LIN7A: variants seen among roughly 807,000 people sequenced by gnomAD.
LIN7A encodes the protein protein lin-7 homolog A.
In LIN7A, 25 loss-of-function variants were observed where a neutral mutation model predicts 29.8. That is an observed-to-expected ratio of 0.84 (90% confidence interval 0.61 to 1.17). The LOEUF is 1.17. Among genes scored for constraint, LIN7A ranks in the 50% most tolerant of loss-of-function variants. The pLI is 0.00. For synonymous variants in LIN7A, 118 were observed against 107.5 expected (o/e 1.10, Z -0.60); for missense variants, 239 against 287.0 (o/e 0.83, Z 1.21).
At chr12:80,869,532 C>T (rs965623068) in intron 2 of LIN7A, among the ~76,000 whole-genome samples, 3 of 152,048 alleles carry the variant, frequency 2.0e-5, no homozygotes, top group African/African-American at 4.8e-5. Flanking sequence ...CAGAAAACCA[C>T]GGCCATTGGC....
At position 80,803,226 on chromosome 12, in the gene LIN7A, G is replaced by A. The variant is rs538991451; in HGVS notation, c.*1-5500C>T. On this transcript the variant is annotated intron_variant, in intron 5 of 5. Transcript: ENST00000552864. ...TTTGCCCAAACCAATGTTGTGGAGC[G>A]TTTCTTTCATTTTCGTCTAGTAGTT... Among the ~76,000 whole-genome samples, 117 of 152,176 alleles carry A rather than the reference G, an allele frequency of 7.7e-4. 2 individuals carry two copies. The South Asian group carries it at 0.019, about 25-fold the overall frequency.
chr12:80,845,628 G>T, intron 4 of LIN7A, 102 bp downstream of exon 4: 3 of 882,098 alleles, frequency 3.4e-6, no homozygotes. Flanking sequence ...GACATAAAAT[G>T]AATATTTATT....
intron 1 of LIN7A, chr12:80,936,722 T>TC (rs1447601127): frequency 5.9e-5 from 4 of 67,562 alleles, no homozygotes; most frequent in African/African-American, 1.8e-4. Flanking sequence ...AGCGGAGGAC[T>TC]CCATCCCTGA....
chr12:80,807,080 T>TTTGTTTGTTTG (rs1871058990), intron 5 of LIN7A, among the ~76,000 whole-genome samples: 1 of 134,686 alleles, frequency 7.4e-6, no homozygotes, highest in Non-Finnish European at 1.6e-5. Flanking sequence ...TTTTTTTTTT[T>TTTGTTTGTTTG]TTTTTTTTTT....
chr12:80,926,734 G>A (rs1877601395), intron 1 of LIN7A, among the ~76,000 whole-genome samples: 1 of 151,832 alleles, frequency 6.6e-6, no homozygotes, highest in African/African-American at 2.4e-5. Context: ...TCAAGACTTT[G>A]GTGGCTAACA....
At chr12:80,841,768 G>T in intron 4 of LIN7A, 2 of 431,710 alleles carry the variant, frequency 4.6e-6, no homozygotes, top group Non-Finnish European at 6.2e-6. Context: ...CACATTGGCT[G>T]CAACCCTTAT....
At chr12:80,875,710 T>C (rs1179391893) in intron 2 of LIN7A, among the ~76,000 whole-genome samples, 4 of 152,218 alleles carry the variant, frequency 2.6e-5, no homozygotes, top group African/African-American at 2.4e-5. Context: ...AATTCTTCCA[T>C]GGACCCAACA....
At chr12:80,929,437 A>G (rs145284089) in intron 1 of LIN7A, among the ~76,000 whole-genome samples, 85 of 152,300 alleles carry the variant, frequency 5.6e-4, no homozygotes, top group Admixed American at 3.3e-3. Flanking sequence ...AATATATTCT[A>G]TGGTGCTCAT....
chr12:80,921,053 T>G (rs1215555690), intron 1 of LIN7A, among the ~76,000 whole-genome samples: 5 of 152,288 alleles, frequency 3.3e-5, no homozygotes, highest in Admixed American at 2.6e-4. Context: ...ATGCCTATGC[T>G]GAAGCCTAAT....
chr12:80,841,319 AAAG>A (rs941712266), intron 4 of LIN7A, among the ~76,000 whole-genome samples: 29 of 150,770 alleles, frequency 1.9e-4, no homozygotes, highest in African/African-American at 6.4e-4. Context: ...AAAGAAAAGA[AAAG>A]AAATGAAAAG....
intron 1 of LIN7A, among the ~76,000 whole-genome samples, chr12:80,907,888 A>G (rs945033254): frequency 2.6e-5 from 4 of 152,196 alleles, no homozygotes; most frequent in Admixed American, 1.3e-4. Context: ...CCAAATTTAA[A>G]TTCTTCTGTG....
At chr12:80,842,008 A>C in intron 4 of LIN7A, 2 of 1,276,408 alleles carry the variant, frequency 1.6e-6, no homozygotes, top group Non-Finnish European at 2.0e-6. Flanking sequence ...AGGTGGTTCA[A>C]TGTCTCATTT....
At chr12:80,902,215 G>GTTT (rs1302986896) in intron 1 of LIN7A, among the ~76,000 whole-genome samples, 1 of 78,890 alleles carries the variant, frequency 1.3e-5, no homozygotes, top group African/African-American at 4.6e-5. Context: ...ATTGGTCTAT[G>GTTT]TGTTTTTTTT....
intron 4 of LIN7A, among the ~76,000 whole-genome samples, chr12:80,835,304 T>C (rs924643952): frequency 6.6e-6 from 1 of 152,214 alleles, no homozygotes; most frequent in African/African-American, 2.4e-5. Context: ...TATCTTTTAA[T>C]GCTGTATTTA....
chr12:80,850,231 T>C (rs983230052), intron 2 of LIN7A, among the ~76,000 whole-genome samples: 3 of 152,188 alleles, frequency 2.0e-5, no homozygotes, highest in Non-Finnish European at 2.9e-5. Flanking sequence ...TACCATTTAA[T>C]TGTATGATGT....
chr12:80,895,143 T>C (rs1396450063), intron 1 of LIN7A, among the ~76,000 whole-genome samples: 1 of 152,240 alleles, frequency 6.6e-6, no homozygotes, highest in East Asian at 1.9e-4. Context: ...TATTACATTA[T>C]AGTATTACCA....
intron 2 of LIN7A, among the ~76,000 whole-genome samples, chr12:80,869,995 G>A (rs917222316): frequency 2.0e-5 from 3 of 152,234 alleles, no homozygotes; most frequent in African/African-American, 7.2e-5. Flanking sequence ...TGGAAACCAT[G>A]ACATACGAGG....
rs1372114699 is a variant in LIN7A, at chr12:80,848,997, C to T, written c.202-675G>A. Reference sequence around the variant, plus strand: ...GTGTCTGGGACTAATCTCTTCCCTGCATTTTTGACTGGCTCATAATTTCTC... The same window carrying T: ...GTGTCTGGGACTAATCTCTTCCCTGTATTTTTGACTGGCTCATAATTTCTC... On this transcript the variant is annotated intron_variant, in intron 2 of 5. Transcript: ENST00000552864. 2.0e-5 allele frequency among the ~76,000 whole-genome samples: 3 copies of T among 152,162 alleles called. 1 individual carries two copies. The highest frequency in any genetic ancestry group is 2.0e-4 in the Admixed American group (3 of 15,264).
intron 5 of LIN7A, among the ~76,000 whole-genome samples, chr12:80,801,545 A>T (rs183719825): frequency 7.2e-4 from 109 of 152,310 alleles, no homozygotes; most frequent in African/African-American, 2.6e-3. Flanking sequence ...TACATTTGTG[A>T]TGTACAAATT....
Sources: gnomAD v4.1 joint callset for allele counts (sites outside exome capture counted in the v4.1 genomes callset) on GRCh38, gnomAD v4.1.1 for gene constraint, MANE v1.5 for transcripts, NCBI Gene and HGNC (gene_info 2026-07-23, HGNC 2026-07-21) for gene names.